Variants in CADPS observed in about 807,000 individuals in gnomAD.
CADPS encodes calcium dependent secretion activator.
Under a neutral mutation model 167.3 loss-of-function variants are expected in CADPS, and 57 were observed. That is an observed-to-expected ratio of 0.34 (90% CI 0.28 to 0.42). The LOEUF is 0.42. Ranked by LOEUF, CADPS falls within the 20% of genes least tolerant of loss-of-function variation. CADPS has a pLI of 1.00. For synonymous variants in CADPS, 676 were observed against 635.3 expected, an observed-to-expected ratio of 1.06 and a Z score of -0.96; for missense variants, 1,414 against 1,738.1, an observed-to-expected ratio of 0.81 and a Z score of 3.32.
At chr3:62,534,140 A>G (rs1577341574) in intron 12 of CADPS, among the ~76,000 whole-genome samples, 1 of 152,332 alleles carries the variant, frequency 6.6e-6, no homozygotes, top group East Asian at 1.9e-4. Flanking sequence ...TGTCTGTTCA[A>G]AGCAAGAAAT....
At chr3:62,701,650 A>T (rs1465619569) in intron 3 of CADPS, among the ~76,000 whole-genome samples, 1 of 151,904 alleles carries the variant, frequency 6.6e-6, no homozygotes, top group Non-Finnish European at 1.5e-5. Flanking sequence ...AGAAAAGAAA[A>T]GATGCCCTGT....
chr3:62,453,326 T>G (rs1297535443), intron 26 of CADPS, among the ~76,000 whole-genome samples: 2 of 152,134 alleles, frequency 1.3e-5, no homozygotes, highest in East Asian at 3.9e-4. Context: ...CGATATGACT[T>G]TCATTAAAAA....
intron 27 of CADPS, among the ~76,000 whole-genome samples, chr3:62,443,582 G>A (rs1213284782): frequency 2.0e-5 from 3 of 152,052 alleles, no homozygotes; most frequent in African/African-American, 7.2e-5. Context: ...TTACCTCCAG[G>A]CTGTTCTTGT....
At chr3:62,599,674 TACA>T (rs1176340853) in intron 6 of CADPS, among the ~76,000 whole-genome samples, 1 of 53,780 alleles carries the variant, frequency 1.9e-5, no homozygotes, top group African/African-American at 9.1e-5. Flanking sequence ...ATATTATATA[TACA>T]ATATTATATA....
chr3:62,635,024 T>C (rs2066005238), intron 6 of CADPS, among the ~76,000 whole-genome samples: 1 of 152,222 alleles, frequency 6.6e-6, no homozygotes. Flanking sequence ...CGCTTGGTTC[T>C]GATTACAAAT....
chr3:62,592,626 G>A lies in CADPS; in HGVS notation c.1437+11C>T, dbSNP rs1562593089. On this transcript the variant is annotated intron_variant, in intron 7 of 29. Transcript: ENST00000383710. ...CTCTGTGGAGTTCCCCTTGTGATAA[G>A]AAGTGCTTACCCGCCCAAGCTCCTT... 2 of 1,603,606 alleles carry A rather than the reference G, an allele frequency of 1.2e-6. No homozygotes were observed. The highest frequency in any genetic ancestry group is 1.7e-5 in the Admixed American group (1 of 59,974).
chr3:62,477,442 A>G (rs555175507), intron 23 of CADPS, among the ~76,000 whole-genome samples: 2 of 151,936 alleles, frequency 1.3e-5, no homozygotes, highest in Non-Finnish European at 2.9e-5. Flanking sequence ...TTATTTCTAT[A>G]TTTGATATGG....
At chr3:62,592,906 C>A (rs114575307) in intron 6 of CADPS, among the ~76,000 whole-genome samples, 158 bp from the exon 7 acceptor site, 2 of 152,344 alleles carry the variant, frequency 1.3e-5, no homozygotes, top group South Asian at 4.1e-4. Context: ...GAGTAACAAA[C>A]GTGTTAATTA....
chr3:62,445,756 A>T lies in CADPS; in HGVS notation c.3669+9T>A. The T allele has an allele frequency of 1.3e-6, 2 of 1,529,814 alleles. No individual in the cohort carries two copies. The highest frequency in any genetic ancestry group is 4.8e-5 in the East Asian group (2 of 41,878). The allele number at this position is 1,529,814 out of a possible 1,614,324, so 94.8% of individuals were successfully genotyped here. Reference sequence around the variant, plus strand: ...AAAACCCCATGAGAAACAATTTTCAAATACTCACAGGTACATCCACATATT... The same window carrying T: ...AAAACCCCATGAGAAACAATTTTCATATACTCACAGGTACATCCACATATT... On this transcript the variant is annotated intron_variant, in intron 27 of 29. Coordinates refer to ENST00000383710, the MANE Select transcript of CADPS (RefSeq NM_003716.4).
chr3:62,650,730 T>C (rs2069881078), intron 5 of CADPS, 117 bp downstream of exon 5: 1 of 692,306 alleles, frequency 1.4e-6, no homozygotes, highest in African/African-American at 1.8e-5. Context: ...TAGCATGCTG[T>C]TATTTTAATA....
rs530412968 is a variant in CADPS at position 62,794,301 on chromosome 3, G to A, written c.442-28317C>T. ...TTATAATAATTAAGTAAGTAGTGATGGAAGCTTGTATTTACATCAGCATGT... is the reference window on the plus strand; with the variant it reads ...TTATAATAATTAAGTAAGTAGTGATAGAAGCTTGTATTTACATCAGCATGT... On this transcript the variant is annotated intron_variant, in intron 1 of 29. Transcript: ENST00000383710. 2.0e-5 allele frequency among the ~76,000 whole-genome samples: 3 copies of A among 152,212 alleles called. No homozygotes were observed. The East Asian group carries it at 5.8e-4, about 29-fold the overall frequency.
intron 26 of CADPS, among the ~76,000 whole-genome samples, chr3:62,456,398 T>A (rs1359906829): frequency 6.6e-6 from 1 of 152,078 alleles, no homozygotes; most frequent in Non-Finnish European, 1.5e-5. Context: ...ACAATATAAC[T>A]AAAATAATGG....
chr3:62,754,656 T>G (rs1326499290), intron 2 of CADPS, among the ~76,000 whole-genome samples: 2 of 152,174 alleles, frequency 1.3e-5, no homozygotes, highest in African/African-American at 4.8e-5. Context: ...GCCTCGATAA[T>G]TTTTTAAACT....
intron 22 of CADPS, among the ~76,000 whole-genome samples, chr3:62,480,316 G>C (rs2061837754): frequency 6.6e-6 from 1 of 152,084 alleles, no homozygotes; most frequent in African/African-American, 2.4e-5. Context: ...GATAAGAGAA[G>C]CTTTCTGATA....
At chr3:62,452,119 C>T (rs1194785530) in intron 26 of CADPS, among the ~76,000 whole-genome samples, 1 of 152,150 alleles carries the variant, frequency 6.6e-6, no homozygotes, top group Non-Finnish European at 1.5e-5. Context: ...GTTTCTAGCA[C>T]TTTCTTACAG....
At chr3:62,720,149 C>T (rs1331365592) in intron 3 of CADPS, among the ~76,000 whole-genome samples, 1 of 152,088 alleles carries the variant, frequency 6.6e-6, no homozygotes, top group Non-Finnish European at 1.5e-5. Flanking sequence ...CATGGAAGAG[C>T]TGAATCCAAA....
At chr3:62,444,927 T>C (rs2056961939) in intron 27 of CADPS, among the ~76,000 whole-genome samples, 1 of 152,158 alleles carries the variant, frequency 6.6e-6, no homozygotes, top group African/African-American at 2.4e-5. Context: ...TGAGATAAGC[T>C]CTCTAAATTT....
At chr3:62,766,471 T>C (rs1366102911) in intron 1 of CADPS, among the ~76,000 whole-genome samples, 1 of 152,144 alleles carries the variant, frequency 6.6e-6, no homozygotes, top group Non-Finnish European at 1.5e-5. Context: ...AAATGGTTGT[T>C]AAACATGTAA....
Position 62,536,460 on chromosome 3 carries a change from A to G in CADPS, c.2088T>C (p.Asp696=), listed in dbSNP as rs748102439. The change falls in exon 12 of 30, where the codon GAT becomes GAC. Residue 696 remains aspartate, a synonymous_variant. Transcript: ENST00000383710. ...QRLTLDHRLN[D]SYSCLGWFSP... is the part of the protein sequence containing the mutation. The stretch of plus-strand genomic sequence containing the variant: ...ATATACTTGCCAGGCAAGAATAGGA[A>G]TCATTAAGTCTGTGATCCAAAGTAA... 8.7e-6 allele frequency: 14 copies of G among 1,613,136 alleles called. No individual in the cohort carries two copies. The Admixed American group carries it at 2.3e-4, about 27-fold the overall frequency.
Sources: gnomAD v4.1 joint callset for allele counts (sites outside exome capture counted in the v4.1 genomes callset) on GRCh38, gnomAD v4.1.1 for gene constraint, MANE v1.5 for transcripts, NCBI Gene and HGNC (gene_info 2026-07-23, HGNC 2026-07-21) for gene names.